The following GRIK4 variants were observed in gnomAD, a reference collection of about 807,000 sequenced individuals.
GRIK4 encodes the protein glutamate receptor ionotropic, kainate 4.
In GRIK4, 40 loss-of-function variants were observed where a neutral mutation model predicts 104.9. The observed-to-expected ratio is 0.38, with a 90% CI of 0.30 to 0.50. GRIK4 has a LOEUF of 0.50. GRIK4 is among the 20% of genes least tolerant of loss of function. GRIK4 has a pLI of 0.93. For missense variants in GRIK4, 1,047 were observed against 1,308.1 expected (o/e 0.80, Z 3.08); for synonymous variants, 485 against 524.9 (o/e 0.92, Z 1.04).
chr11:120,547,901 G>A (rs998050845), intron 1 of GRIK4, among the ~76,000 whole-genome samples: 5 of 152,186 alleles, frequency 3.3e-5, no homozygotes, highest in East Asian at 1.9e-4. Flanking sequence ...AAATATGCCG[G>A]GTATGAGGGG....
rs1943663735 is a variant in GRIK4 at position 120,939,136 on chromosome 11, C to T, written c.1477-1211C>T. Among the ~76,000 whole-genome samples the T allele has an allele frequency of 6.8e-6, 1 of 146,376 alleles. No individual in the cohort carries two copies. Among genetic ancestry groups the T allele is most frequent in the African/African-American group, 2.5e-5 (1 of 40,762 alleles). On this transcript the variant is annotated intron_variant, in intron 13 of 20. Coordinates refer to ENST00000527524, the MANE Select transcript of GRIK4 (RefSeq NM_014619.5). The surrounding 1 kb of genome is among the most constrained non-coding windows in gnomAD (Gnocchi z 5.6). ...CTGAGCACCAGTTCTGGGCTTTTCC[C>T]ACTGCCCCATGTGTAGGAGAGTAGA...
intron 1 of GRIK4, among the ~76,000 whole-genome samples, chr11:120,617,707 C>T (rs190158837): frequency 3.3e-5 from 5 of 152,116 alleles, no homozygotes; most frequent in Non-Finnish European, 7.4e-5. Context: ...GCACCTCCCC[C>T]ACTCTTCCTC....
intron 3 of GRIK4, among the ~76,000 whole-genome samples, chr11:120,703,501 T>G (rs1950584319): frequency 6.6e-6 from 1 of 152,028 alleles, no homozygotes. Flanking sequence ...GAAGCCTGTT[T>G]CTTCCACTGT....
intron 11 of GRIK4, among the ~76,000 whole-genome samples, chr11:120,893,232 G>A (rs181135095): frequency 6.6e-6 from 1 of 152,312 alleles, no homozygotes; most frequent in East Asian, 1.9e-4. Context: ...TAATGCCTCA[G>A]GAGCAAGATC....
chr11:120,850,370 T>C lies in GRIK4; in HGVS notation c.745-11589T>C, dbSNP rs138465762. On this transcript the variant is annotated intron_variant, in intron 8 of 20. Transcript: ENST00000527524. ...ATCTTAGAATCCTGCCTACCACACA[T>C]GCCAACTGTGTAAATTAGTTTATTT... Among the ~76,000 whole-genome samples the C allele has an allele frequency of 4.3e-3, 656 of 152,278 alleles. 2 individuals carry two copies. The highest frequency in any genetic ancestry group is 6.9e-3 in the Non-Finnish European group (471 of 68,014).
At chr11:120,750,292 C>T (rs182883056) in intron 3 of GRIK4, among the ~76,000 whole-genome samples, 3 of 149,974 alleles carry the variant, frequency 2.0e-5, no homozygotes, top group Admixed American at 1.3e-4. Flanking sequence ...AAGACATAGT[C>T]TTGGTACACC....
At chr11:120,767,391 G>A (rs1248814691) in intron 3 of GRIK4, among the ~76,000 whole-genome samples, 1 of 151,992 alleles carries the variant, frequency 6.6e-6, no homozygotes, top group Non-Finnish European at 1.5e-5. Context: ...TTTAAATTGG[G>A]TTATTTGTTT....
intron 6 of GRIK4, among the ~76,000 whole-genome samples, chr11:120,825,253 TG>T (rs748849747): frequency 2.0e-5 from 3 of 152,206 alleles, no homozygotes; most frequent in Non-Finnish European, 4.4e-5. Flanking sequence ...ATGTCCTTTT[TG>T]TGGTTACATG....
chr11:120,958,068 C>T (rs1944204825), intron 16 of GRIK4, among the ~76,000 whole-genome samples: 1 of 152,192 alleles, frequency 6.6e-6, no homozygotes, highest in Non-Finnish European at 1.5e-5. Flanking sequence ...CACGGAAGTC[C>T]CACCCACAAC....
chr11:120,849,889 C>T (rs1174668591), intron 8 of GRIK4, among the ~76,000 whole-genome samples: 1 of 152,242 alleles, frequency 6.6e-6, no homozygotes. Flanking sequence ...GCATGACTGG[C>T]TCTTTGCTCA....
intron 5 of GRIK4, among the ~76,000 whole-genome samples, chr11:120,816,788 C>T (rs189430240): frequency 6.6e-6 from 1 of 152,240 alleles, no homozygotes; most frequent in East Asian, 1.9e-4. Flanking sequence ...TGGTCCTGCT[C>T]CTCCAGTAGC....
chr11:120,837,566 T>C (rs960218594), intron 8 of GRIK4, among the ~76,000 whole-genome samples: 3 of 152,030 alleles, frequency 2.0e-5, no homozygotes, highest in African/African-American at 7.3e-5. Context: ...TTAAGAAAAC[T>C]TTTTCCAAGT....
At chr11:120,531,721 G>T (rs1947925882) in intron 1 of GRIK4, among the ~76,000 whole-genome samples, 1 of 152,046 alleles carries the variant, frequency 6.6e-6, no homozygotes, top group Non-Finnish European at 1.5e-5. Context: ...TACTACAGGT[G>T]CATGTCACCA....
At chr11:120,657,364 A>G (rs185976141) in intron 2 of GRIK4, among the ~76,000 whole-genome samples, 4 of 152,220 alleles carry the variant, frequency 2.6e-5, no homozygotes, top group African/African-American at 7.2e-5. Flanking sequence ...ACCAACACCC[A>G]TGAATTAAAG....
chr11:120,790,275 G>A lies in GRIK4; in HGVS notation c.83-12418G>A, dbSNP rs565269229. Among the ~76,000 whole-genome samples the A allele has an allele frequency of 1.1e-4, 16 of 152,268 alleles. 1 individual carries two copies. Among genetic ancestry groups the A allele is most frequent in the Non-Finnish European group, 1.9e-4 (13 of 68,038 alleles). On this transcript the variant is annotated intron_variant, in intron 3 of 20. Transcript: ENST00000527524. Reference sequence around the variant, plus strand: ...GGTATTTGGTGAATTAATAAAGAAAGGAATGATTGAATGAGTGAATGCCTT... The same window carrying A: ...GGTATTTGGTGAATTAATAAAGAAAAGAATGATTGAATGAGTGAATGCCTT...
At chr11:120,912,805 T>A (rs1280299373) in intron 13 of GRIK4, among the ~76,000 whole-genome samples, 1 of 152,170 alleles carries the variant, frequency 6.6e-6, no homozygotes, top group African/African-American at 2.4e-5. Flanking sequence ...ATTGGGGAAA[T>A]GCAGGGACGT....
At chr11:120,815,226 A>G in intron 4 of GRIK4, 152 bp from the exon 5 acceptor site, 1 of 581,416 alleles carries the variant, frequency 1.7e-6, no homozygotes, top group South Asian at 2.2e-5. Flanking sequence ...AGAAGGAGAG[A>G]CTCTGGGTTT....
chr11:120,612,017 A>C (rs1389244293), intron 1 of GRIK4, among the ~76,000 whole-genome samples: 1 of 152,154 alleles, frequency 6.6e-6, no homozygotes. Flanking sequence ...GGCCGATTGT[A>C]ACTTAGGTCC....
rs115640051 is a variant in GRIK4, at chr11:120,612,168, G to A, written c.-158-41517G>A. On this transcript the variant is annotated intron_variant, in intron 1 of 20. Coordinates refer to ENST00000527524, the MANE Select transcript of GRIK4 (RefSeq NM_014619.5). ...TACTTATGTGATGTATCTCCTTTGC[G>A]ATACACCTCGTATCTATCCCTGTGG... 2.0e-3 allele frequency among the ~76,000 whole-genome samples: 301 copies of A among 152,154 alleles called. 1 individual carries two copies. The highest frequency in any genetic ancestry group is 2.4e-3 in the African/African-American group (98 of 41,480).
Sources: gnomAD v4.1 joint callset for allele counts (sites outside exome capture counted in the v4.1 genomes callset) on GRCh38, gnomAD v4.1.1 for gene constraint, Gnocchi (gnomAD v3.1) non-coding constraint, MANE v1.5 for transcripts, NCBI Gene and HGNC (gene_info 2026-07-23, HGNC 2026-07-21) for gene names.